RAB3IP: variants seen among roughly 807,000 people sequenced by gnomAD.
RAB3IP encodes the protein rab-3A-interacting protein.
Under a neutral mutation model 59.1 loss-of-function variants are expected in RAB3IP, and 36 were observed. The ratio of observed to expected loss-of-function variants is 0.61; its 90% CI spans 0.47 to 0.80. RAB3IP has a LOEUF of 0.80. Among genes scored for constraint, RAB3IP ranks in the 30% least tolerant of loss-of-function variants. The pLI, the probability that RAB3IP is intolerant of heterozygous loss-of-function variation, is 0.00. For missense variants in RAB3IP, 511 were observed against 536.0 expected (o/e 0.95, Z 0.46); for synonymous variants, 207 against 191.2 (o/e 1.08, Z -0.68).
intron 3 of RAB3IP, 126 bp downstream of exon 3, chr12:69,756,789 C>T: frequency 1.3e-6 from 1 of 775,732 alleles, no homozygotes; most frequent in Non-Finnish European, 2.0e-6. Context: ...TATGCCCAGC[C>T]TCAGCTCCTG....
chr12:69,759,740 G>T (rs1423401729), intron 3 of RAB3IP, among the ~76,000 whole-genome samples: 1 of 150,290 alleles, frequency 6.7e-6, no homozygotes, highest in East Asian at 2.0e-4. Flanking sequence ...GCTGCCGGGC[G>T]GGGGCTGACC....
At chr12:69,792,526 T>C (rs1199672070) in intron 4 of RAB3IP, among the ~76,000 whole-genome samples, 1 of 152,196 alleles carries the variant, frequency 6.6e-6, no homozygotes, top group Non-Finnish European at 1.5e-5. Context: ...ACTCCTGGTA[T>C]AGGTGATACT....
intron 6 of RAB3IP, among the ~76,000 whole-genome samples, chr12:69,796,831 G>A (rs1306690504): frequency 6.6e-6 from 1 of 152,198 alleles, no homozygotes; most frequent in Non-Finnish European, 1.5e-5. Flanking sequence ...GTATGTGTAA[G>A]TAATTATGTA....
rs1206247021 is a variant in RAB3IP at position 69,756,388 on chromosome 12, G to A, written c.252-17G>A. On this transcript the variant is annotated splice_polypyrimidine_tract_variant and intron_variant, in intron 2 of 10. Coordinates refer to ENST00000247833, the MANE Select transcript of RAB3IP (RefSeq NM_022456.5). ...CATATGCTGATATTTTCTGAAAAAT[G>A]TCTCTCTCCTTTACAGCTTTCATGT... is the stretch of plus-strand genomic sequence containing the variant. 2 of 1,610,416 alleles carry A rather than the reference G, an allele frequency of 1.2e-6. No individual in the cohort carries two copies. The highest frequency in any genetic ancestry group is 1.7e-6 in the Non-Finnish European group (2 of 1,178,464).
intron 1 of RAB3IP, among the ~76,000 whole-genome samples, chr12:69,750,299 C>T (rs1026969714): frequency 6.6e-6 from 1 of 152,134 alleles, no homozygotes; most frequent in Non-Finnish European, 1.5e-5. Flanking sequence ...TTCCTCTCTC[C>T]CTGGATTATT....
chr12:69,805,299 T>C (rs1316322681), intron 8 of RAB3IP, among the ~76,000 whole-genome samples: 2 of 152,110 alleles, frequency 1.3e-5, no homozygotes, highest in East Asian at 3.9e-4. Context: ...TCTCTGTTTG[T>C]CTGTTATTGG....
chr12:69,766,449 A>G (rs1008052515), intron 3 of RAB3IP, among the ~76,000 whole-genome samples: 13 of 152,080 alleles, frequency 8.5e-5, no homozygotes, highest in African/African-American at 3.1e-4. Flanking sequence ...ATCTGTTGCT[A>G]AAGCTTTCAA....
At chr12:69,804,813 C>T (rs1345151644) in intron 8 of RAB3IP, among the ~76,000 whole-genome samples, 13 of 151,836 alleles carry the variant, frequency 8.6e-5, no homozygotes, top group South Asian at 2.1e-4. Context: ...TGTAGATATG[C>T]GGCATTATTT....
intron 4 of RAB3IP, 35 bp downstream of exon 4, chr12:69,784,850 C>T (rs1463431872): frequency 2.4e-6 from 3 of 1,226,256 alleles, no homozygotes; most frequent in African/African-American, 3.0e-5. Flanking sequence ...ACAGCAACAT[C>T]TTGACTTTTA....
chr12:69,757,369 CAG>C (rs1870398752), intron 3 of RAB3IP, among the ~76,000 whole-genome samples: 1 of 151,960 alleles, frequency 6.6e-6, no homozygotes, highest in African/African-American at 2.4e-5. Flanking sequence ...AAATTGATAA[CAG>C]AAAAAATAGA....
chr12:69,812,927 A>G, intron 9 of RAB3IP, 37 bp from the exon 10 acceptor site: 2 of 1,606,238 alleles, frequency 1.2e-6, no homozygotes, highest in South Asian at 2.2e-5. Context: ...GATATGGGAC[A>G]TTTGACCATT....
chr12:69,807,054 G>A (rs994570177), intron 8 of RAB3IP, among the ~76,000 whole-genome samples: 7 of 151,952 alleles, frequency 4.6e-5, no homozygotes, highest in East Asian at 1.9e-4. Flanking sequence ...CAACAAAACC[G>A]CCATCGTCAT....
intron 3 of RAB3IP, among the ~76,000 whole-genome samples, chr12:69,767,471 G>T (rs1460859327): frequency 6.6e-6 from 1 of 152,238 alleles, no homozygotes; most frequent in Non-Finnish European, 1.5e-5. Flanking sequence ...TCTGCCAAAG[G>T]TTCACTCATG....
chr12:69,760,351 G>A (rs1208639649), intron 3 of RAB3IP, among the ~76,000 whole-genome samples: 2 of 152,250 alleles, frequency 1.3e-5, no homozygotes, highest in Non-Finnish European at 2.9e-5. Context: ...CTTTGGCTCG[G>A]CATCAGAGGG....
chr12:69,756,732 C>A, intron 3 of RAB3IP, 69 bp downstream of exon 3: 1 of 1,262,728 alleles, frequency 7.9e-7, no homozygotes, highest in South Asian at 1.5e-5. Flanking sequence ...TGGGGTGGGG[C>A]AACCTGCAGA....
upstream of RAB3IP, chr12:69,738,693 T>C (rs898395166): frequency 3.9e-5 from 6 of 152,126 alleles, no homozygotes; most frequent in African/African-American, 1.2e-4. Context: ...GCCAGGGCCG[T>C]GACACCTGCG....
intron 4 of RAB3IP, among the ~76,000 whole-genome samples, chr12:69,790,433 G>A (rs1876418745): frequency 3.3e-5 from 5 of 152,226 alleles, no homozygotes; most frequent in Admixed American, 3.3e-4. Context: ...AAAGAGATTT[G>A]TGTTCATTGG....
intron 3 of RAB3IP, among the ~76,000 whole-genome samples, chr12:69,769,117 C>T (rs562086342): frequency 3.9e-5 from 6 of 152,272 alleles, no homozygotes; most frequent in South Asian, 2.1e-4. Flanking sequence ...ATGTGTATTT[C>T]GCCTTCTGCC....
chr12:69,746,518 C>T (rs774900024), intron 1 of RAB3IP, among the ~76,000 whole-genome samples: 5 of 152,134 alleles, frequency 3.3e-5, no homozygotes, highest in Admixed American at 1.3e-4. Flanking sequence ...ATAATCATGC[C>T]GTGGCTCGTA....
Sources: gnomAD v4.1 joint callset for allele counts (sites outside exome capture counted in the v4.1 genomes callset) on GRCh38, gnomAD v4.1.1 for gene constraint, MANE v1.5 for transcripts, NCBI Gene and HGNC (gene_info 2026-07-23, HGNC 2026-07-21) for gene names.